The following SEMA6D variants were observed in gnomAD, a reference collection of about 807,000 sequenced individuals.
SEMA6D encodes the protein semaphorin-6D.
SEMA6D carries 35 observed loss-of-function variants against 106.6 expected under a neutral mutation model. The ratio of observed to expected loss-of-function variants is 0.33; its 90% CI spans 0.25 to 0.44. The LOEUF is 0.44. Among genes scored for constraint, SEMA6D ranks in the 20% least tolerant of loss-of-function variants. SEMA6D has a pLI of 1.00. For synonymous variants in SEMA6D, 499 were observed against 487.7 expected (o/e 1.02, Z -0.31); for missense variants, 1,185 against 1,345.9 (o/e 0.88, Z 1.87).
At chr15:47,470,319 T>C (rs1178073268) in intron 2 of SEMA6D, among the ~76,000 whole-genome samples, 2 of 152,168 alleles carry the variant, frequency 1.3e-5, no homozygotes, top group Non-Finnish European at 2.9e-5. Flanking sequence ...AGAAATCTTT[T>C]TGATTGAAGG....
intron 1 of SEMA6D, among the ~76,000 whole-genome samples, chr15:47,384,943 A>G (rs1447588636): frequency 3.4e-5 from 5 of 148,844 alleles, no homozygotes; most frequent in African/African-American, 5.0e-5. Context: ...AAAATGAACG[A>G]AGGCTGATTT....
intron 3 of SEMA6D, among the ~76,000 whole-genome samples, chr15:47,576,693 A>C (rs1269376575): frequency 6.6e-6 from 1 of 151,996 alleles, no homozygotes; most frequent in East Asian, 1.9e-4. Context: ...TTCAATATTT[A>C]CTCCTTGGAC....
At chr15:47,352,675 C>G (rs1567019666) in intron 1 of SEMA6D, among the ~76,000 whole-genome samples, 1 of 152,122 alleles carries the variant, frequency 6.6e-6, no homozygotes, top group Non-Finnish European at 1.5e-5. Flanking sequence ...TTAGCCACCT[C>G]CAGTTCATGA....
chr15:47,224,497 T>G lies in SEMA6D; in HGVS notation c.-239+40079T>G, dbSNP rs181172818. ...TATTATACTATTCTTGTCTCCATTT[T>G]ACATATAGGGAAACTGAAGTGCAGA... On this transcript the variant is annotated intron_variant, in intron 1 of 19. Transcript: ENST00000558014. 1.2e-3 allele frequency among the ~76,000 whole-genome samples: 182 copies of G among 152,232 alleles called. 2 individuals carry two copies. Among genetic ancestry groups the G allele is most frequent in the African/African-American group, 4.1e-3 (169 of 41,558 alleles).
intron 1 of SEMA6D, among the ~76,000 whole-genome samples, chr15:47,387,113 C>G (rs568002649): frequency 6.6e-6 from 1 of 152,222 alleles, no homozygotes; most frequent in Admixed American, 6.5e-5. Context: ...GACCACATCC[C>G]CAGAGGTAAG....
intron 4 of SEMA6D, among the ~76,000 whole-genome samples, chr15:47,642,999 G>GGAGA (rs914888885): frequency 6.6e-6 from 1 of 151,458 alleles, no homozygotes; most frequent in African/African-American, 2.4e-5. Flanking sequence ...ATGGAAATAG[G>GGAGA]GAGAGAGAGA....
intron 1 of SEMA6D, among the ~76,000 whole-genome samples, chr15:47,203,424 A>G (rs1247607647): frequency 6.6e-6 from 1 of 152,214 alleles, no homozygotes; most frequent in African/African-American, 2.4e-5. Context: ...ACACCCACGC[A>G]GATTTTTCAT....
chr15:47,338,837 G>A (rs74011406), intron 1 of SEMA6D, among the ~76,000 whole-genome samples: 14,872 of 152,072 alleles, frequency 0.098, 935 homozygotes, highest in African/African-American at 0.15. Flanking sequence ...TTCTCCTGTC[G>A]TCCTTTCATC....
intron 3 of SEMA6D, among the ~76,000 whole-genome samples, chr15:47,524,545 CAT>C (rs1471626449): frequency 3.9e-5 from 6 of 152,144 alleles, no homozygotes; most frequent in Non-Finnish European, 7.4e-5. Context: ...ATGGATAAAT[CAT>C]AGACAAATAG....
intron 1 of SEMA6D, among the ~76,000 whole-genome samples, chr15:47,319,333 T>C (rs562988819): frequency 6.6e-6 from 1 of 152,350 alleles, no homozygotes; most frequent in African/African-American, 2.4e-5. Context: ...CTTCATGTTG[T>C]GTTTTTTGCC....
At chr15:47,216,302 A>C (rs2030591020) in intron 1 of SEMA6D, among the ~76,000 whole-genome samples, 1 of 152,250 alleles carries the variant, frequency 6.6e-6, no homozygotes, top group South Asian at 2.1e-4. Context: ...TGAAGCAGCA[A>C]AATGTGTAAT....
intron 4 of SEMA6D, among the ~76,000 whole-genome samples, chr15:47,708,641 C>A (rs1197716883): frequency 3.3e-5 from 5 of 152,350 alleles, no homozygotes; most frequent in East Asian, 1.9e-4. Context: ...AGGTTCATAT[C>A]TCAGCCTCTA....
intron 1 of SEMA6D, among the ~76,000 whole-genome samples, chr15:47,218,704 A>G (rs2030899460): frequency 6.6e-6 from 1 of 152,194 alleles, no homozygotes; most frequent in Non-Finnish European, 1.5e-5. Context: ...CAACATAGGG[A>G]ACTGGAAATG....
chr15:47,553,228 A>G (rs67405493), intron 3 of SEMA6D, among the ~76,000 whole-genome samples: 36,662 of 151,658 alleles, frequency 0.24, 5,120 homozygotes, highest in East Asian at 0.47. Context: ...TTATGCCCTT[A>G]GTCATAAAGT....
chr15:47,731,129 C>A (rs1050511594), intron 1 of SEMA6D, among the ~76,000 whole-genome samples: 2 of 152,082 alleles, frequency 1.3e-5, no homozygotes, highest in African/African-American at 4.8e-5. Flanking sequence ...AACACTTTGC[C>A]CTTTTCTTTT....
At chr15:47,543,941 C>A (rs78019846) in intron 3 of SEMA6D, among the ~76,000 whole-genome samples, 2,540 of 152,152 alleles carry the variant, frequency 0.017, 75 homozygotes, top group African/African-American at 0.058. Context: ...GAGTGAACTT[C>A]CAGAGTGAAA....
chr15:47,547,271 A>T (rs1369939165), intron 3 of SEMA6D, among the ~76,000 whole-genome samples: 1 of 152,108 alleles, frequency 6.6e-6, no homozygotes. Context: ...TCTTCATACC[A>T]CATAAGCACC....
At chr15:47,348,904 G>T (rs1443697822) in intron 1 of SEMA6D, among the ~76,000 whole-genome samples, 1 of 152,074 alleles carries the variant, frequency 6.6e-6, no homozygotes, top group African/African-American at 2.4e-5. Flanking sequence ...GGCATTTGTG[G>T]TAGAGGAAAC....
chr15:47,440,696 C>T (rs1388928023), intron 2 of SEMA6D, among the ~76,000 whole-genome samples: 1 of 151,202 alleles, frequency 6.6e-6, no homozygotes, highest in Non-Finnish European at 1.5e-5. Flanking sequence ...AACATAGAAG[C>T]GACTGAATTC....
Sources: gnomAD v4.1 joint callset for allele counts (sites outside exome capture counted in the v4.1 genomes callset) on GRCh38, gnomAD v4.1.1 for gene constraint, MANE v1.5 for transcripts, NCBI Gene and HGNC (gene_info 2026-07-23, HGNC 2026-07-21) for gene names.